The following RBFOX1 variants were observed in gnomAD, a reference collection of about 807,000 sequenced individuals.
The protein encoded by RBFOX1 is RNA binding protein fox-1 homolog 1.
RBFOX1 carries 8 observed loss-of-function variants against 57.7 expected under a neutral mutation model. The ratio of observed to expected loss-of-function variants is 0.14; its 90% CI spans 0.08 to 0.25. The LOEUF is 0.25. Among genes scored for constraint, RBFOX1 ranks in the 10% least tolerant of loss-of-function variants. The pLI, the probability that RBFOX1 is intolerant of heterozygous loss-of-function variation, is 1.00. For synonymous variants in RBFOX1, 326 were observed against 222.4 expected, an observed-to-expected ratio of 1.47 and a Z score of -4.15; for missense variants, 611 against 548.5, an observed-to-expected ratio of 1.11 and a Z score of -1.14.
At chr16:5,543,743 G>T (rs2045065199) in intron 2 of RBFOX1, among the ~76,000 whole-genome samples, 1 of 152,122 alleles carries the variant, frequency 6.6e-6, no homozygotes, top group Non-Finnish European at 1.5e-5. Context: ...TCATAATCAA[G>T]TGTTCAAGCT....
At chr16:7,307,589 C>A (rs538147356) in intron 4 of RBFOX1, among the ~76,000 whole-genome samples, 1 of 152,250 alleles carries the variant, frequency 6.6e-6, no homozygotes, top group African/African-American at 2.4e-5. Context: ...GATTTCTTTT[C>A]TTTTCTCCTT....
chr16:7,141,191 G>C (rs2073680235), intron 4 of RBFOX1, among the ~76,000 whole-genome samples: 1 of 152,188 alleles, frequency 6.6e-6, no homozygotes, highest in Non-Finnish European at 1.5e-5. Flanking sequence ...GGATCCTGGG[G>C]AGGAGGCCGG....
intron 2 of RBFOX1, among the ~76,000 whole-genome samples, chr16:6,500,896 T>TTGTTTGTTTGTTTGTTTGTTTG (rs1555507186): frequency 1.1e-4 from 16 of 142,376 alleles, no homozygotes; most frequent in East Asian, 4.2e-4. Context: ...TTTTTTTTTT[T>TTGTTTGTTTGTTTGTTTGTTTG]TTTTTAATGC....
chr16:6,273,762 T>C (rs1258907482), intron 1 of RBFOX1, among the ~76,000 whole-genome samples: 4 of 152,038 alleles, frequency 2.6e-5, no homozygotes, highest in African/African-American at 9.7e-5. Flanking sequence ...GCTAAGTGGA[T>C]GTAAAGGGAA....
intron 2 of RBFOX1, among the ~76,000 whole-genome samples, chr16:6,647,955 C>T (rs942908032): frequency 1.3e-5 from 2 of 152,112 alleles, no homozygotes; most frequent in East Asian, 1.9e-4. Context: ...GATTCTCGTG[C>T]GTCAGCCTCT....
At chr16:5,422,708 GAGAA>G (rs1443362683) in intron 1 of RBFOX1, among the ~76,000 whole-genome samples, 2 of 131,580 alleles carry the variant, frequency 1.5e-5, no homozygotes, top group African/African-American at 5.8e-5. Flanking sequence ...GGGGAGGAAA[GAGAA>G]AGAGGAGGAG....
intron 4 of RBFOX1, among the ~76,000 whole-genome samples, chr16:7,281,970 A>G (rs988638489): frequency 1.1e-4 from 16 of 152,064 alleles, no homozygotes; most frequent in African/African-American, 3.6e-4. Flanking sequence ...GGCTCCAGCA[A>G]TCCTCCCACC....
chr16:5,531,122 T>C (rs991611357), intron 2 of RBFOX1, among the ~76,000 whole-genome samples: 10 of 140,410 alleles, frequency 7.1e-5, no homozygotes, highest in African/African-American at 2.5e-4. Flanking sequence ...CAAGACTCTA[T>C]CTCAAAAATA....
chr16:5,969,768 C>T (rs1423339529), intron 4 of RBFOX1, among the ~76,000 whole-genome samples: 9 of 152,070 alleles, frequency 5.9e-5, no homozygotes, highest in Non-Finnish European at 4.4e-5. Context: ...TCTGTCCCCT[C>T]CTCCTCACCA....
chr16:6,123,806 G>A (rs1001877551), intron 1 of RBFOX1, among the ~76,000 whole-genome samples: 4 of 152,178 alleles, frequency 2.6e-5, no homozygotes, highest in African/African-American at 4.8e-5. Flanking sequence ...TCAGGAGGCT[G>A]AGGTCCAGGG....
intron 14 of RBFOX1, among the ~76,000 whole-genome samples, chr16:7,677,964 G>A (rs182819044): frequency 2.8e-4 from 42 of 152,280 alleles, no homozygotes; most frequent in South Asian, 6.2e-4. Flanking sequence ...CTCACGAGAC[G>A]TGGTGTTAGC....
At chr16:5,389,987 C>G (rs572456573) in intron 1 of RBFOX1, among the ~76,000 whole-genome samples, 1 of 152,224 alleles carries the variant, frequency 6.6e-6, no homozygotes, top group African/African-American at 2.4e-5. Flanking sequence ...GCATGAGACA[C>G]CATGCCCGGC....
chr16:5,973,384 T>C (rs570757549), intron 4 of RBFOX1, among the ~76,000 whole-genome samples: 1 of 152,342 alleles, frequency 6.6e-6, no homozygotes, highest in South Asian at 2.1e-4. Flanking sequence ...TGACATTGTT[T>C]CCTTCAAACT....
At chr16:6,111,960 G>A (rs991410053) in intron 1 of RBFOX1, among the ~76,000 whole-genome samples, 2 of 152,116 alleles carry the variant, frequency 1.3e-5, no homozygotes, top group African/African-American at 4.8e-5. Flanking sequence ...TATGCTAAAG[G>A]TGTGATTATT....
At chr16:6,690,119 A>G (rs962997222) in intron 3 of RBFOX1, among the ~76,000 whole-genome samples, 3 of 152,184 alleles carry the variant, frequency 2.0e-5, no homozygotes, top group Non-Finnish European at 4.4e-5. Flanking sequence ...AAAAATGCTT[A>G]GAAGATGGTC....
chr16:7,224,245 C>T (rs778985977), intron 4 of RBFOX1, among the ~76,000 whole-genome samples: 19 of 146,518 alleles, frequency 1.3e-4, no homozygotes, highest in Non-Finnish European at 6.0e-5. Context: ...TATAAAATGG[C>T]TTCTTTTAGT....
At position 6,506,614 on chromosome 16, in the gene RBFOX1, A is replaced by C. The variant is rs2096098807; in HGVS notation, c.-63-147989A>C. Among the ~76,000 whole-genome samples, 2 of 148,208 alleles carry C rather than the reference A, an allele frequency of 1.3e-5. 1 individual carries two copies. The highest frequency in any genetic ancestry group is 3.0e-5 in the Non-Finnish European group (2 of 67,618). ...GTCAGTATAAACGGTAATAACAATCACAGTAGCTAATTTTTTTTTTTTTTT... is the reference window on the plus strand; with the variant it reads ...GTCAGTATAAACGGTAATAACAATCCCAGTAGCTAATTTTTTTTTTTTTTT... On this transcript the variant is annotated intron_variant, in intron 2 of 15. Transcript: ENST00000550418.
chr16:7,101,758 C>A (rs1329128209), intron 4 of RBFOX1, among the ~76,000 whole-genome samples: 2 of 152,090 alleles, frequency 1.3e-5, no homozygotes, highest in Non-Finnish European at 2.9e-5. Context: ...GCTCTGATGC[C>A]TGTCCTGGTC....
intron 3 of RBFOX1, among the ~76,000 whole-genome samples, chr16:6,712,598 ATAATT>A (rs2063919981): frequency 6.6e-6 from 1 of 152,204 alleles, no homozygotes. Flanking sequence ...GCAAGATAAT[ATAATT>A]TAATCATTCC....
Sources: gnomAD v4.1 joint callset for allele counts (sites outside exome capture counted in the v4.1 genomes callset) on GRCh38, gnomAD v4.1.1 for gene constraint, MANE v1.5 for transcripts, NCBI Gene and HGNC (gene_info 2026-07-23, HGNC 2026-07-21) for gene names.